TRPC5: variants seen among roughly 807,000 people sequenced by gnomAD.
The protein encoded by TRPC5 is short transient receptor potential channel 5.
In TRPC5, 9 loss-of-function variants were observed where a neutral mutation model predicts 56.5. That is an observed-to-expected ratio of 0.16 (90% CI 0.10 to 0.28). TRPC5 has a LOEUF of 0.28. Ranked by LOEUF, TRPC5 falls within the 10% of genes least tolerant of loss-of-function variation. The pLI is 1.00. For missense variants in TRPC5, 469 were observed against 748.9 expected (o/e 0.63, Z 4.36); for synonymous variants, 282 against 278.5 (o/e 1.01, Z -0.13).
chrX:111,854,020 G>A lies in TRPC5; in HGVS notation c.987C>T (p.Val329=). The change falls in exon 4 of 11, where the codon GTC becomes GTT. Residue 329 remains valine (V), a synonymous_variant. Coordinates refer to ENST00000262839, the MANE Select transcript of TRPC5 (RefSeq NM_012471.3). ...FPGWRRKHWV[V]KLLTCMTIGF... is the part of the protein sequence containing the mutation. ...CAATGGTCATGCAGGTTAGAAGCTT[G>A]ACTACCCAGTGTTTCCGCCGCCATC... is the stretch of plus-strand genomic sequence containing the variant. The A allele has an allele frequency of 8.3e-7, 1 of 1,211,792 alleles. No homozygotes were observed. The highest frequency in any genetic ancestry group is 1.1e-6 in the Non-Finnish European group (1 of 895,470).
At position 112,075,960 on chromosome X, in the gene TRPC5, G is replaced by T. The variant is rs1475791584; in HGVS notation, c.-22+5919C>A. Among the ~76,000 whole-genome samples the T allele has an allele frequency of 2.7e-5, 3 of 112,224 alleles. No homozygotes were observed. The East Asian group carries it at 8.4e-4, about 31-fold the overall frequency. On this transcript the variant is annotated intron_variant, in intron 1 of 10. Coordinates refer to ENST00000262839, the MANE Select transcript of TRPC5 (RefSeq NM_012471.3). Reference sequence around the variant, plus strand: ...CTGCTGAAACCTTGATTTTAGCACAGTGATCCCTGTGTCAGACTTCAGAAC... The same window carrying T: ...CTGCTGAAACCTTGATTTTAGCACATTGATCCCTGTGTCAGACTTCAGAAC...
intron 7 of TRPC5, among the ~76,000 whole-genome samples, chrX:111,802,867 TA>T (rs1411051327): frequency 3.6e-5 from 4 of 111,468 alleles, no homozygotes; most frequent in East Asian, 2.8e-4. Flanking sequence ...TTTATTTATG[TA>T]TTTTTTTATT....
intron 1 of TRPC5, among the ~76,000 whole-genome samples, chrX:112,078,480 C>A (rs1930888658): frequency 1.8e-5 from 2 of 111,577 alleles, no homozygotes; most frequent in Non-Finnish European, 3.8e-5. Flanking sequence ...CAGGTCATTT[C>A]TACTCTCTAG....
At chrX:111,805,245 T>C (rs965445082) in intron 7 of TRPC5, among the ~76,000 whole-genome samples, 4 of 112,054 alleles carry the variant, frequency 3.6e-5, no homozygotes, top group African/African-American at 1.3e-4. Context: ...CTGCTGGATT[T>C]GGTTTGCCAG....
chrX:111,935,323 T>A (rs774978915), intron 2 of TRPC5, among the ~76,000 whole-genome samples: 24 of 112,185 alleles, frequency 2.1e-4, no homozygotes, highest in Non-Finnish European at 3.8e-4. Flanking sequence ...CTAATCGTTT[T>A]TTTTCCTAGA....
chrX:111,834,853 G>T, intron 7 of TRPC5, 68 bp downstream of exon 7: 1 of 841,468 alleles, frequency 1.2e-6, no homozygotes, highest in South Asian at 2.7e-5. Context: ...AGCTTCTAAT[G>T]AACTCTATGC....
chrX:112,003,733 G>A (rs1928761301), intron 1 of TRPC5, among the ~76,000 whole-genome samples: 1 of 111,461 alleles, frequency 9.0e-6, no homozygotes, highest in Non-Finnish European at 1.9e-5. Context: ...GGGCATATAA[G>A]TCATTTAAGG....
intron 3 of TRPC5, among the ~76,000 whole-genome samples, chrX:111,899,069 C>T (rs1235388820): frequency 9.0e-6 from 1 of 110,515 alleles, no homozygotes; most frequent in African/African-American, 3.3e-5. Flanking sequence ...TATTGGAATA[C>T]TTAGCAGTTT....
intron 2 of TRPC5, among the ~76,000 whole-genome samples, chrX:111,941,264 T>C (rs1463378004): frequency 8.9e-6 from 1 of 112,269 alleles, no homozygotes; most frequent in Non-Finnish European, 1.9e-5. Flanking sequence ...ATAAATAGTC[T>C]TGTTTCCTAA....
At chrX:111,778,820 C>A (rs1945898565) in intron 10 of TRPC5, among the ~76,000 whole-genome samples, 165 bp downstream of exon 10, 1 of 111,814 alleles carries the variant, frequency 8.9e-6, no homozygotes, top group African/African-American at 3.2e-5. Context: ...TTGGTAAAAT[C>A]TCTCCGTCTA....
chrX:112,027,887 TATG>T (rs2147716307), intron 1 of TRPC5, among the ~76,000 whole-genome samples: 1 of 112,204 alleles, frequency 8.9e-6, no homozygotes, highest in South Asian at 3.7e-4. Flanking sequence ...ATTATATACT[TATG>T]ATATTTGCAT....
chrX:112,077,467 T>C (rs1389092251), intron 1 of TRPC5, among the ~76,000 whole-genome samples: 1 of 112,226 alleles, frequency 8.9e-6, no homozygotes, highest in East Asian at 2.8e-4. Context: ...AATTTTAGTA[T>C]AAAAATGAAT....
chrX:112,015,282 C>A (rs997608153), intron 1 of TRPC5, among the ~76,000 whole-genome samples: 1 of 111,328 alleles, frequency 9.0e-6, no homozygotes, highest in Non-Finnish European at 1.9e-5. Context: ...ATTCGGTGGT[C>A]CTGAAATTTT....
intron 3 of TRPC5, among the ~76,000 whole-genome samples, chrX:111,866,087 A>T (rs1032327359): frequency 8.8e-6 from 1 of 113,303 alleles, no homozygotes; most frequent in African/African-American, 3.2e-5. Flanking sequence ...AGCTTGGTTG[A>T]TTCCATAGAC....
chrX:111,969,091 A>G (rs1927707612), intron 1 of TRPC5, among the ~76,000 whole-genome samples: 1 of 111,162 alleles, frequency 9.0e-6, no homozygotes, highest in Admixed American at 9.6e-5. Context: ...TTCAACCTTC[A>G]GCAACCCCCA....
intron 1 of TRPC5, among the ~76,000 whole-genome samples, chrX:112,026,446 C>A (rs755907133): frequency 8.9e-6 from 1 of 111,765 alleles, no homozygotes; most frequent in South Asian, 3.8e-4. Flanking sequence ...GGTCATGGAA[C>A]CCTTTCTGCT....
chrX:111,864,242 C>A (rs1923485422), intron 3 of TRPC5, among the ~76,000 whole-genome samples: 1 of 111,953 alleles, frequency 8.9e-6, no homozygotes, highest in African/African-American at 3.2e-5. Context: ...CAGGCCTCCA[C>A]CTCCCAAAGT....
intron 1 of TRPC5, among the ~76,000 whole-genome samples, chrX:112,058,699 C>T (rs763363675): frequency 7.8e-4 from 87 of 112,090 alleles, no homozygotes; most frequent in South Asian, 7.5e-4. Context: ...CTCAGAAAAG[C>T]GATGTGACTT....
rs930486277 is a variant in TRPC5, at chrX:112,029,432, C to T, written c.-22+52447G>A. On this transcript the variant is annotated intron_variant, in intron 1 of 10. Transcript: ENST00000262839. ...TAGGTTGCTTCCAAATCTTGGCTATCGCTAATAGTGCTGCAACAATCATGG... is the reference window on the plus strand; with the variant it reads ...TAGGTTGCTTCCAAATCTTGGCTATTGCTAATAGTGCTGCAACAATCATGG... Among the ~76,000 whole-genome samples the T allele has an allele frequency of 4.5e-5, 5 of 111,878 alleles. 1 individual carries two copies. The highest frequency in any genetic ancestry group is 7.5e-5 in the Non-Finnish European group (4 of 53,233).
Sources: allele counts gnomAD v4.1 joint callset (sites outside exome capture counted in the v4.1 genomes callset), GRCh38; gene constraint gnomAD v4.1.1; transcripts MANE v1.5; gene names NCBI Gene and HGNC (gene_info 2026-07-23, HGNC 2026-07-21).